DHH: variants seen among roughly 807,000 people sequenced by gnomAD.
DHH encodes the protein desert hedgehog signaling molecule, also known as desert hedgehog protein.
In DHH, 16 loss-of-function variants were observed where a neutral mutation model predicts 27.6. The ratio of observed to expected loss-of-function variants is 0.58; its 90% confidence interval spans 0.39 to 0.88. DHH has a LOEUF of 0.88. Among genes scored for constraint, DHH ranks in the 40% least tolerant of loss-of-function variants. The pLI, the probability that DHH is intolerant of heterozygous loss-of-function variation, is 0.00. For missense variants in DHH, 436 were observed against 563.1 expected (o/e 0.77, Z 2.28); for synonymous variants, 289 against 263.4 (o/e 1.10, Z -0.94).
rs141604185 is a variant in DHH, at chr12:49,088,363, A to G, written c.*1496T>C. Among the ~76,000 whole-genome samples, 2 of 152,180 alleles carry G rather than the reference A, an allele frequency of 1.3e-5. No individual in the cohort carries two copies. Among genetic ancestry groups the G allele is most frequent in the Non-Finnish European group, 2.9e-5 (2 of 67,974 alleles). On this transcript the variant is annotated 3_prime_UTR_variant, in exon 3 of 3. Coordinates refer to ENST00000649637, the MANE Select transcript of DHH (RefSeq NM_021044.4). ...TTGCGCAGGTCCAGTACACCCTTCC[A>G]TGTCTGAGACCGCTTGCCTTCCGTT...
At position 49,088,851 on chromosome 12, in the gene DHH, TTC is replaced by T. The variant is rs576615577; in HGVS notation, c.*1006_*1007del. 1.1e-3 allele frequency among the ~76,000 whole-genome samples: 169 copies of T among 152,262 alleles called. No individual in the cohort carries two copies. Among genetic ancestry groups the T allele is most frequent in the Non-Finnish European group, 1.7e-3 (118 of 68,012 alleles). ...CCCACATACACCCAGGCTGAATCCA[TTC>T]TCTCTCTCTGAGCAGCCCTTCAGTA... On this transcript the variant is annotated 3_prime_UTR_variant, in exon 3 of 3. Transcript: ENST00000649637.
In DHH at chr12:49,094,565, C is replaced by T. The variant is rs913605931; in HGVS notation, c.-53G>A. The T allele has an allele frequency of 5.4e-5, 83 of 1,536,002 alleles. No individual in the cohort carries two copies. Among genetic ancestry groups the T allele is most frequent in the Non-Finnish European group, 7.1e-5 (81 of 1,134,518 alleles). On this transcript the variant is annotated 5_prime_UTR_variant, in exon 1 of 3. Coordinates refer to ENST00000649637, the MANE Select transcript of DHH (RefSeq NM_021044.4). ...AGCGTTCTTGTCCTCACTAACTCTC[C>T]TGTCAGTTAGGCATCTCCACAGGCA... is the stretch of plus-strand genomic sequence containing the variant.
chr12:49,093,506 GA>G (rs1939339813), intron 1 of DHH, among the ~76,000 whole-genome samples: 1 of 152,158 alleles, frequency 6.6e-6, no homozygotes, highest in Non-Finnish European at 1.5e-5. Flanking sequence ...TAATTCCAAG[GA>G]AAGCCCCTGA....
chr12:49,093,324 G>A (rs1256121658), intron 1 of DHH: 1 of 152,322 alleles, frequency 6.6e-6, no homozygotes, highest in South Asian at 2.1e-4. Context: ...GGAGGCCGAG[G>A]TGGGAGGATC....
Position 49,087,201 on chromosome 12 carries a change from T to A in DHH, c.*2658A>T, listed in dbSNP as rs1939223896. On this transcript the variant is annotated 3_prime_UTR_variant, in exon 3 of 3. Coordinates refer to ENST00000649637, the MANE Select transcript of DHH (RefSeq NM_021044.4). Reference sequence around the variant, plus strand: ...TGAAGGCAAGTCATGGATTTTTTTTTTTTTTGAGAGTTAGGAGGGGCCTCA... The same window carrying A: ...TGAAGGCAAGTCATGGATTTTTTTTATTTTTGAGAGTTAGGAGGGGCCTCA... Among the ~76,000 whole-genome samples the A allele has an allele frequency of 6.6e-6, 1 of 152,038 alleles. No homozygotes were observed. Among genetic ancestry groups the A allele is most frequent in the Non-Finnish European group, 1.5e-5 (1 of 68,004 alleles).
intron 1 of DHH, chr12:49,093,054 T>G (rs748427671): frequency 2.0e-5 from 3 of 152,036 alleles, no homozygotes; most frequent in Non-Finnish European, 4.4e-5. Context: ...CCATACACAA[T>G]TAGGTGGTGT....
Position 49,087,897 on chromosome 12 carries a change from TG to T in DHH, c.*1961del, listed in dbSNP as rs1939233774. On this transcript the variant is annotated 3_prime_UTR_variant, in exon 3 of 3. Coordinates refer to ENST00000649637, the MANE Select transcript of DHH (RefSeq NM_021044.4). ...TAGAAAGTAGGAAAGGTCCACAGCTTGGGATGTGTTTCTGAGACCCGGAAAA... is the reference window on the plus strand; with the variant it reads ...TAGAAAGTAGGAAAGGTCCACAGCTTGGATGTGTTTCTGAGACCCGGAAAA... Among the ~76,000 whole-genome samples the T allele has an allele frequency of 6.6e-6, 1 of 152,026 alleles. No individual in the cohort carries two copies. Among genetic ancestry groups the T allele is most frequent in the African/African-American group, 2.4e-5 (1 of 41,370 alleles).
chr12:49,086,714 C>T lies in DHH; in HGVS notation c.*3145G>A, dbSNP rs896382569. Among the ~76,000 whole-genome samples, 1 of 152,146 alleles carries T rather than the reference C, an allele frequency of 6.6e-6. No individual in the cohort carries two copies. The highest frequency in any genetic ancestry group is 1.9e-4 in the East Asian group (1 of 5,192). ...TTCAGAAAAGTAGTTTCAGGCACTA[C>T]CTGGAACCCCATTATGCTTTCACCT... On this transcript the variant is annotated 3_prime_UTR_variant, in exon 3 of 3. Coordinates refer to ENST00000649637, the MANE Select transcript of DHH (RefSeq NM_021044.4).
In DHH at chr12:49,089,099, T is replaced by C. The variant is rs565458140; in HGVS notation, c.*760A>G. On this transcript the variant is annotated 3_prime_UTR_variant, in exon 3 of 3. Coordinates refer to ENST00000649637, the MANE Select transcript of DHH (RefSeq NM_021044.4). ...TAGATGCTTTGAGTATCAGTACTCA[T>C]AGGGGCCTGAGCCCCTGCTGGAGCC... 6.6e-6 allele frequency among the ~76,000 whole-genome samples: 1 copy of C among 152,380 alleles called. No homozygotes were observed. The highest frequency in any genetic ancestry group is 2.4e-5 in the African/African-American group (1 of 41,590).
intron 1 of DHH, among the ~76,000 whole-genome samples, 183 bp downstream of exon 1, chr12:49,094,027 G>C (rs1939350240): frequency 6.6e-6 from 1 of 152,116 alleles, no homozygotes; most frequent in Non-Finnish European, 1.5e-5. Flanking sequence ...TATTCTAGTC[G>C]GGAGCCGTCC....
Position 49,094,076 on chromosome 12 carries a change from CT to C in DHH, c.303+133del, listed in dbSNP as rs541818055. On this transcript the variant is annotated intron_variant, in intron 1 of 2. Transcript: ENST00000649637. ...CAGACTGCAAGGATTTTTCCCCCCC[CT>C]GGGGCTGGTGACAAGGGAAATCTCT... 2,426 of 1,041,086 alleles carry C rather than the reference CT, an allele frequency of 2.3e-3. 23 individuals carry two copies. In the African/African-American group the frequency reaches 0.028, roughly 12 times the overall value. 64.5% of individuals were successfully genotyped at this position (1,041,086 alleles called of 1,614,324 possible).
chr12:49,094,138 C>T (rs1939352491), intron 1 of DHH, 72 bp downstream of exon 1: 1 of 1,559,264 alleles, frequency 6.4e-7, no homozygotes, highest in Non-Finnish European at 8.8e-7. Flanking sequence ...CTGGACTCAC[C>T]CACCTGGGCT....
At chr12:49,093,963 C>T (rs1196035924) in intron 1 of DHH, among the ~76,000 whole-genome samples, 1 of 152,212 alleles carries the variant, frequency 6.6e-6, no homozygotes, top group Non-Finnish European at 1.5e-5. Flanking sequence ...CCCTCGCTGC[C>T]TCTACCAGCT....
At chr12:49,092,989 A>T (rs1316705866) in intron 1 of DHH, 1 of 152,196 alleles carries the variant, frequency 6.6e-6, no homozygotes, top group Non-Finnish European at 1.5e-5. Context: ...CTGGAAAACT[A>T]TGGCAATTAA....
chr12:49,094,329 G>GC lies in DHH; in HGVS notation c.183dup (p.Pro62AlafsTer29). The GC allele has an allele frequency of 6.2e-7, 1 of 1,613,084 alleles. No individual in the cohort carries two copies. The highest frequency in any genetic ancestry group is 8.5e-7 in the Non-Finnish European group (1 of 1,179,900). On this transcript the variant is annotated frameshift_variant, in exon 1 of 3. Coordinates refer to ENST00000649637, the MANE Select transcript of DHH (RefSeq NM_021044.4). LOFTEE classifies it high-confidence loss of function. ...CCCCTTGCCACCCTCCCCTCCGCTG[G>GC]CCCACTGGCGCCCAGGGTCCGCTCT...
rs1242971913 is a variant in DHH at position 49,091,083 on chromosome 12, G to A, written c.565+45C>T. 1 of 1,613,816 alleles carries A rather than the reference G, an allele frequency of 6.2e-7. No individual in the cohort carries two copies. Among genetic ancestry groups the A allele is most frequent in the Non-Finnish European group, 8.5e-7 (1 of 1,179,858 alleles). On this transcript the variant is annotated intron_variant, in intron 2 of 2. Transcript: ENST00000649637. This position sits in a 1 kb window ranked among gnomAD's most constrained non-coding sequence, Gnocchi z 4.8. ...ACTACTGCAGACTCAGTTTCCCGGA[G>A]GGAGCCCCCTTTGGGCGGATTTTAC...
chr12:49,089,735 A>G lies in DHH; in HGVS notation c.*124T>C. On this transcript the variant is annotated 3_prime_UTR_variant, in exon 3 of 3. Transcript: ENST00000649637. ...TTGCCCCTAAGCCAGGCATAGCCCC[A>G]TTTTCTCCCTCCCCCTCCCTCTCCC... is the stretch of plus-strand genomic sequence containing the variant. 3 of 1,341,478 alleles carry G rather than the reference A, an allele frequency of 2.2e-6. No individual in the cohort carries two copies. The highest frequency in any genetic ancestry group is 9.8e-7 in the Non-Finnish European group (1 of 1,023,480). The allele number at this position is 1,341,478 out of a possible 1,614,324, so 83.1% of individuals were successfully genotyped here. A position where few individuals can be genotyped will look rare whatever the true frequency, so the allele number is the denominator to read the frequency against.
chr12:49,094,079 G>C, intron 1 of DHH, 131 bp downstream of exon 1: 1 of 1,057,960 alleles, frequency 9.5e-7, no homozygotes, highest in South Asian at 1.4e-5. Flanking sequence ...CCCCCCCCTG[G>C]GGCTGGTGAC....
At position 49,094,248 on chromosome 12, in the gene DHH, C is replaced by T; in HGVS notation, c.265G>A (p.Asp89Asn). The change falls in exon 1 of 3, where the codon GAT (aspartate) becomes AAT (asparagine). Residue 89 changes from aspartate to asparagine, a missense_variant. Physicochemically the swap from Asp to Asn is conservative, Grantham distance 23. Transcript: ENST00000649637. ...PNYNPDIIFK[D>N]EENSGADRLM... ...CGGTCGGCTCCACTGTTCTCCTCAT[C>T]CTTGAAGATGATGTCGGGGTTGTAG... 1 of 1,613,624 alleles carries T rather than the reference C, an allele frequency of 6.2e-7. No individual in the cohort carries two copies. Among genetic ancestry groups the T allele is most frequent in the Non-Finnish European group, 8.5e-7 (1 of 1,180,026 alleles).
Sources: allele counts gnomAD v4.1 joint callset (sites outside exome capture counted in the v4.1 genomes callset), GRCh38; gene constraint gnomAD v4.1.1; non-coding constraint Gnocchi (gnomAD v3.1); transcripts MANE v1.5; gene names NCBI Gene and HGNC (gene_info 2026-07-23, HGNC 2026-07-21).